The following ZMYM4 variants were observed in gnomAD, a reference collection of about 807,000 sequenced individuals.
ZMYM4 encodes the protein zinc finger MYM-type protein 4.
In ZMYM4, 31 loss-of-function variants were observed where a neutral mutation model predicts 183.2. The ratio of observed to expected loss-of-function variants is 0.17; its 90% CI spans 0.13 to 0.23. The LOEUF (loss-of-function observed/expected upper bound fraction) is 0.23. ZMYM4 is among the 10% of genes least tolerant of loss of function. ZMYM4 has a pLI of 1.00. For missense variants in ZMYM4, 1,273 were observed against 1,840.3 expected, an observed-to-expected ratio of 0.69 and a Z score of 5.64; for synonymous variants, 592 against 631.2, an observed-to-expected ratio of 0.94 and a Z score of 0.93.
intron 11 of ZMYM4, 21 bp downstream of exon 11, chr1:35,386,210 CTCT>C: frequency 2.5e-6 from 4 of 1,576,010 alleles, no homozygotes; most frequent in Middle Eastern, 1.7e-4. Context: ...AGGAACCTTC[CTCT>C]TCTTCAGTCA....
intron 1 of ZMYM4, 108 bp from the exon 2 acceptor site, chr1:35,325,252 C>A: frequency 2.0e-6 from 2 of 1,001,864 alleles, no homozygotes; most frequent in Non-Finnish European, 1.4e-6. Context: ...GTGCACTTGT[C>A]ATTTGGGTTG....
chr1:35,330,810 C>T (rs1642708263), intron 2 of ZMYM4, among the ~76,000 whole-genome samples: 2 of 152,192 alleles, frequency 1.3e-5, no homozygotes, highest in Admixed American at 1.3e-4. Flanking sequence ...CTAAGACCCT[C>T]CTTCCAAATC....
chr1:35,373,625 C>A (rs1644267534), intron 7 of ZMYM4, among the ~76,000 whole-genome samples: 2 of 150,476 alleles, frequency 1.3e-5, no homozygotes, highest in South Asian at 4.2e-4. Flanking sequence ...AAACTCCTGA[C>A]CTCCTGATCC....
At chr1:35,321,900 T>C (rs1312662612) in intron 1 of ZMYM4, among the ~76,000 whole-genome samples, 2 of 151,722 alleles carry the variant, frequency 1.3e-5, no homozygotes, top group African/African-American at 2.4e-5. Context: ...CCTACAGATA[T>C]ACTCACATAC....
chr1:35,327,745 C>T (rs1289194752), intron 2 of ZMYM4, among the ~76,000 whole-genome samples: 1 of 152,158 alleles, frequency 6.6e-6, no homozygotes, highest in African/African-American at 2.4e-5. Context: ...GGGTACTCAG[C>T]AAAAGGAGAT....
chr1:35,325,492 T>C, intron 2 of ZMYM4, 87 bp downstream of exon 2: 2 of 1,311,674 alleles, frequency 1.5e-6, no homozygotes, highest in Non-Finnish European at 1.0e-6. Context: ...TTACAGTGTT[T>C]AGTTAGGGCT....
intron 1 of ZMYM4, among the ~76,000 whole-genome samples, chr1:35,308,474 G>A (rs988345784): frequency 1.3e-5 from 2 of 152,150 alleles, no homozygotes; most frequent in Non-Finnish European, 2.9e-5. Flanking sequence ...ATAATTTGGT[G>A]GTTGAGCTGG....
At chr1:35,297,139 C>T (rs373092758) in intron 1 of ZMYM4, among the ~76,000 whole-genome samples, 21 of 151,860 alleles carry the variant, frequency 1.4e-4, no homozygotes, top group African/African-American at 4.8e-4. Context: ...CGTGAGGCAC[C>T]GCGCCCAGCC....
rs35122134 is a variant in ZMYM4 at position 35,370,338 on chromosome 1, A to ATTTT, written c.926-8_926-5dup. The ATTTT allele has an allele frequency of 3.4e-3, 3,870 of 1,123,600 alleles. 71 individuals are homozygous for ATTTT. The highest frequency in any genetic ancestry group is 0.027 in the African/African-American group (1,142 of 41,814). 69.6% of individuals were successfully genotyped at this position (1,123,600 alleles called of 1,614,324 possible). The stretch of plus-strand genomic sequence containing the variant: ...AAAAGTAAAACATTTTTTTCTTTCA[A>ATTTT]TTTTTTTTTTTTTTTTTTTTTTTTT... On this transcript the variant is annotated intron_variant, in intron 6 of 29. Transcript: ENST00000314607.
At chr1:35,340,213 C>T (rs1293780861) in intron 2 of ZMYM4, among the ~76,000 whole-genome samples, 5 of 151,708 alleles carry the variant, frequency 3.3e-5, no homozygotes, top group Non-Finnish European at 7.4e-5. Context: ...TATCCATGAA[C>T]TTGGTATGTC....
intron 26 of ZMYM4, among the ~76,000 whole-genome samples, chr1:35,410,733 G>A (rs1024003621): frequency 4.7e-5 from 7 of 150,144 alleles, no homozygotes; most frequent in Non-Finnish European, 1.0e-4. Context: ...CTCGTGATCC[G>A]CCCACCTCGG....
chr1:35,327,877 A>G (rs890519372), intron 2 of ZMYM4, among the ~76,000 whole-genome samples: 13 of 152,192 alleles, frequency 8.5e-5, no homozygotes, highest in Admixed American at 7.9e-4. Context: ...GCCAGCTTGA[A>G]TCTCATGTTC....
intron 1 of ZMYM4, among the ~76,000 whole-genome samples, chr1:35,324,185 C>G (rs1642410734): frequency 6.6e-6 from 1 of 151,806 alleles, no homozygotes; most frequent in African/African-American, 2.4e-5. Flanking sequence ...TCCCTTTCAC[C>G]ATTATTTTCT....
Position 35,269,062 on chromosome 1 carries a change from G to A in ZMYM4, c.16G>A (p.Val6Met), listed in dbSNP as rs1345952292. ...GGGGCCCAACATGGCGGAGAGAGAG[G>A]TGGAGTCCGGCCCCCGAAAGAGGGT... MAERE[V>M]ESGPRKRFEQ... The change falls in exon 1 of 30, where the codon GTG becomes ATG. Residue 6 changes from valine to methionine, a missense_variant. Around this residue, in one of 6 missense-constraint regions of ZMYM4, gnomAD observed 384 missense variants for 465.6 expected, o/e 0.82. Transcript: ENST00000314607. 9.0e-6 allele frequency: 14 copies of A among 1,549,380 alleles called. No homozygotes were observed. The highest frequency in any genetic ancestry group is 1.2e-5 in the Non-Finnish European group (14 of 1,146,774).
intron 1 of ZMYM4, among the ~76,000 whole-genome samples, chr1:35,279,233 CA>C (rs1318942406): frequency 6.6e-6 from 1 of 152,210 alleles, no homozygotes; most frequent in Non-Finnish European, 1.5e-5. Context: ...TATAAAATCC[CA>C]GAAGTAAGAC....
At chr1:35,392,114 C>T in intron 15 of ZMYM4, 98 bp from the exon 16 acceptor site, 1 of 1,512,980 alleles carries the variant, frequency 6.6e-7, no homozygotes, top group Non-Finnish European at 9.0e-7. Context: ...ACAGAAATTA[C>T]TCAAACCTGA....
At chr1:35,338,495 G>A (rs900108751) in intron 2 of ZMYM4, among the ~76,000 whole-genome samples, 2 of 152,026 alleles carry the variant, frequency 1.3e-5, no homozygotes, top group African/African-American at 2.4e-5. Flanking sequence ...GAATATGCTC[G>A]GGTTTTGGTA....
intron 7 of ZMYM4, among the ~76,000 whole-genome samples, chr1:35,373,668 C>T (rs1644268469): frequency 6.6e-6 from 1 of 150,954 alleles, no homozygotes; most frequent in South Asian, 2.1e-4. Flanking sequence ...GCTGGGATTA[C>T]AGGCGTGAGC....
chr1:35,419,858 TGAAC>T lies in ZMYM4; in HGVS notation c.*182_*185del. On this transcript the variant is annotated 3_prime_UTR_variant, in exon 30 of 30. Transcript: ENST00000314607. Reference sequence around the variant, plus strand: ...CAAATGAAAATTGAAGGAAAGAATATGAACTGAGAAATGTTCTTTGGCAGTGATA... The same window carrying T: ...CAAATGAAAATTGAAGGAAAGAATATTGAGAAATGTTCTTTGGCAGTGATA... The T allele has an allele frequency of 1.6e-6, 1 of 624,244 alleles. No individual in the cohort carries two copies. Among genetic ancestry groups the T allele is most frequent in the Admixed American group, 2.9e-5 (1 of 34,350 alleles). The allele number at this position is 624,244 out of a possible 1,614,324, so 38.7% of individuals were successfully genotyped here.
Sources: allele counts gnomAD v4.1 joint callset (sites outside exome capture counted in the v4.1 genomes callset), GRCh38; gene constraint gnomAD v4.1.1; regional missense constraint gnomAD v4.1.1; transcripts MANE v1.5; gene names NCBI Gene and HGNC (gene_info 2026-07-23, HGNC 2026-07-21).